EYS: variants seen among roughly 807,000 people sequenced by gnomAD.
The protein encoded by EYS is EGF-like photoreceptor maintenance factor.
Under a neutral mutation model 282.1 loss-of-function variants are expected in EYS, and 250 were observed. The ratio of observed to expected loss-of-function variants is 0.89; its 90% CI spans 0.80 to 0.98. The LOEUF (loss-of-function observed/expected upper bound fraction) is 0.98, where lower values mean the gene tolerates loss of function less well. Ranked by LOEUF, EYS falls within the 50% of genes least tolerant of loss-of-function variation. The pLI, the probability that EYS is intolerant of heterozygous loss-of-function variation, is 0.00. For missense variants in EYS, 4,016 were observed against 3,709.0 expected (o/e 1.08, Z -2.15); for synonymous variants, 1,355 against 1,282.9 (o/e 1.06, Z -1.20).
intron 19 of EYS, among the ~76,000 whole-genome samples, chr6:64,835,587 A>C (rs1165702224): frequency 6.6e-6 from 1 of 151,732 alleles, no homozygotes; most frequent in Non-Finnish European, 1.5e-5. Context: ...TGATAAAAGC[A>C]TGACACCAGA....
chr6:63,984,356 G>C, intron 35 of EYS, 27 bp downstream of exon 35: 2 of 1,459,078 alleles, frequency 1.4e-6, no homozygotes, highest in South Asian at 2.4e-5. Flanking sequence ...TGTAACGTAG[G>C]TTGGGAATCA....
chr6:63,790,108 C>T (rs1460711293), intron 37 of EYS, among the ~76,000 whole-genome samples: 1 of 152,104 alleles, frequency 6.6e-6, no homozygotes, highest in Non-Finnish European at 1.5e-5. Context: ...AGAGGAAGAA[C>T]GTAAGAACCC....
intron 14 of EYS, among the ~76,000 whole-genome samples, chr6:64,992,881 G>A (rs953818202): frequency 6.6e-6 from 1 of 152,000 alleles, no homozygotes; most frequent in East Asian, 1.9e-4. Flanking sequence ...AGAGAACCTA[G>A]AGGTTTTTGT....
chr6:64,669,138 A>G (rs1226461515), intron 22 of EYS, among the ~76,000 whole-genome samples: 1 of 152,168 alleles, frequency 6.6e-6, no homozygotes, highest in Non-Finnish European at 1.5e-5. Context: ...AAGTTGGCTT[A>G]TTTCAGTTTG....
At chr6:64,526,164 G>A (rs868423255) in intron 26 of EYS, among the ~76,000 whole-genome samples, 1 of 151,754 alleles carries the variant, frequency 6.6e-6, no homozygotes, top group Non-Finnish European at 1.5e-5. Flanking sequence ...ACAGAATAGT[G>A]ATTGCCAGGG....
chr6:65,290,500 A>C (rs189427177), intron 12 of EYS, among the ~76,000 whole-genome samples: 1 of 151,274 alleles, frequency 6.6e-6, no homozygotes, highest in Non-Finnish European at 1.5e-5. Flanking sequence ...TTAAATGTGA[A>C]TATTATAAGT....
At chr6:65,094,737 G>A (rs545605703) in intron 12 of EYS, among the ~76,000 whole-genome samples, 34 of 151,006 alleles carry the variant, frequency 2.3e-4, no homozygotes, top group African/African-American at 7.7e-4. Context: ...CAATATTGAG[G>A]GAAGTTTATA....
At chr6:64,549,785 T>C (rs1765009103) in intron 26 of EYS, among the ~76,000 whole-genome samples, 1 of 150,764 alleles carries the variant, frequency 6.6e-6, no homozygotes, top group Admixed American at 6.7e-5. Context: ...GTGCAAAACG[T>C]GCAGGTTTGT....
At chr6:64,240,249 T>C (rs1470584900) in intron 30 of EYS, among the ~76,000 whole-genome samples, 1 of 152,184 alleles carries the variant, frequency 6.6e-6, no homozygotes, top group African/African-American at 2.4e-5. Context: ...TCTTTTTTGG[T>C]TCCATATGAA....
intron 12 of EYS, among the ~76,000 whole-genome samples, chr6:65,082,994 A>G (rs372468192): frequency 1.3e-5 from 2 of 152,016 alleles, no homozygotes; most frequent in Non-Finnish European, 2.9e-5. Flanking sequence ...GCGAAATACT[A>G]TACTATCTTT....
chr6:64,563,576 T>A (rs1030453751), intron 26 of EYS, among the ~76,000 whole-genome samples: 1 of 152,140 alleles, frequency 6.6e-6, no homozygotes, highest in Admixed American at 6.5e-5. Context: ...TAAAAATACT[T>A]GTCAAATTGC....
At chr6:63,905,047 C>T (rs1037959853) in intron 35 of EYS, among the ~76,000 whole-genome samples, 1 of 152,172 alleles carries the variant, frequency 6.6e-6, no homozygotes, top group Admixed American at 6.5e-5. Context: ...ATTAAGCAGT[C>T]ACTCGTCATT....
At chr6:64,498,936 A>G (rs1397641730) in intron 26 of EYS, among the ~76,000 whole-genome samples, 2 of 152,118 alleles carry the variant, frequency 1.3e-5, no homozygotes, top group Non-Finnish European at 2.9e-5. Flanking sequence ...GTGCATGTGT[A>G]TTTATAGTAG....
chr6:63,785,938 G>C (rs1018434920), intron 39 of EYS: 5 of 152,082 alleles, frequency 3.3e-5, no homozygotes, highest in African/African-American at 1.2e-4. Context: ...AACACTATAA[G>C]AACAGACCTT....
At chr6:64,149,132 G>T (rs541797205) in intron 31 of EYS, among the ~76,000 whole-genome samples, 42 of 152,212 alleles carry the variant, frequency 2.8e-4, no homozygotes, top group Admixed American at 2.7e-3. Context: ...ACGCTGCTTA[G>T]TTACTTTTTG....
chr6:65,563,075 A>C (rs1456586717), intron 2 of EYS, among the ~76,000 whole-genome samples: 1 of 152,134 alleles, frequency 6.6e-6, no homozygotes, highest in African/African-American at 2.4e-5. Flanking sequence ...CCTTTCATCC[A>C]ACTGCTTCTT....
At chr6:64,678,844 G>A (rs1043279485) in intron 22 of EYS, among the ~76,000 whole-genome samples, 3 of 151,924 alleles carry the variant, frequency 2.0e-5, no homozygotes, top group African/African-American at 4.8e-5. Context: ...ACAATTAGCC[G>A]GGTTTGGTGA....
intron 7 of EYS, among the ~76,000 whole-genome samples, chr6:65,392,632 A>T (rs947958120): frequency 8.5e-5 from 13 of 152,318 alleles, no homozygotes; most frequent in African/African-American, 2.9e-4. Context: ...ATACCATCTC[A>T]CACCAGTTAG....
In EYS at chr6:64,744,068, C is replaced by T. The variant is rs113998109; in HGVS notation, c.3443+69310G>A. ...ATTAAAATATTGATGAAATATGTGG[C>T]TTAATTGGCAATCTTGGCCTAAATT... On this transcript the variant is annotated intron_variant, in intron 22 of 42. Coordinates refer to ENST00000503581, the MANE Select transcript of EYS (RefSeq NM_001142800.2). 5.1e-3 allele frequency among the ~76,000 whole-genome samples: 777 copies of T among 152,132 alleles called. 12 individuals are homozygous for T. Among genetic ancestry groups the T allele is most frequent in the African/African-American group, 0.018 (732 of 41,516 alleles).
Sources: allele counts gnomAD v4.1 joint callset (sites outside exome capture counted in the v4.1 genomes callset), GRCh38; gene constraint gnomAD v4.1.1; transcripts MANE v1.5; gene names NCBI Gene and HGNC (gene_info 2026-07-23, HGNC 2026-07-21).